Variants in DNAH10 observed in about 807,000 individuals in gnomAD.
The protein encoded by DNAH10 is axonemal beta dynein heavy chain 10.
A neutral mutation model predicts 506.6 loss-of-function variants in DNAH10; 348 were observed. That is an observed-to-expected ratio of 0.69 (90% confidence interval 0.63 to 0.75). DNAH10 has a LOEUF of 0.75. DNAH10 is among the 30% of genes least tolerant of loss of function. DNAH10 has a pLI of 0.00. For synonymous variants in DNAH10, 2,059 were observed against 2,198.6 expected, an observed-to-expected ratio of 0.94 and a Z score of 1.78; for missense variants, 5,179 against 5,787.1, an observed-to-expected ratio of 0.89 and a Z score of 3.41.
Position 123,909,539 on chromosome 12 carries a change from C to A in DNAH10, c.9997+97C>A. ...GGAGGGCAAGGAGGCTTGTCGTGGGCAGGCCCTCCCCTTCTGGTCAGATGG... is the reference window on the plus strand; with the variant it reads ...GGAGGGCAAGGAGGCTTGTCGTGGGAAGGCCCTCCCCTTCTGGTCAGATGG... On this transcript the variant is annotated intron_variant, in intron 58 of 78. Coordinates refer to ENST00000673944, the MANE Select transcript of DNAH10 (RefSeq NM_001372106.1). The surrounding 1 kb of genome is among the most constrained non-coding windows in gnomAD (Gnocchi z 5.4). 2 of 1,407,470 alleles carry A rather than the reference C, an allele frequency of 1.4e-6. No homozygotes were observed. The highest frequency in any genetic ancestry group is 2.9e-5 in the South Asian group (2 of 68,124). The allele number at this position is 1,407,470 out of a possible 1,614,324, so 87.2% of individuals were successfully genotyped here. A position where few individuals can be genotyped will look rare whatever the true frequency, so the allele number is the denominator to read the frequency against.
intron 51 of DNAH10, among the ~76,000 whole-genome samples, chr12:123,886,643 A>T (rs1352084465): frequency 6.6e-6 from 1 of 151,102 alleles, no homozygotes; most frequent in East Asian, 1.9e-4. Flanking sequence ...GGAGGTAGGG[A>T]ACAGAGAGAG....
At chr12:123,918,391 C>T (rs1302675720) in intron 64 of DNAH10, among the ~76,000 whole-genome samples, 6 of 152,248 alleles carry the variant, frequency 3.9e-5, no homozygotes, top group Non-Finnish European at 5.9e-5. Context: ...TGGGTCACAT[C>T]TCCTGGAGTC....
At chr12:123,849,745 A>G (rs1375214151) in intron 34 of DNAH10, among the ~76,000 whole-genome samples, 1 of 152,194 alleles carries the variant, frequency 6.6e-6, no homozygotes, top group Non-Finnish European at 1.5e-5. Flanking sequence ...CCATTCCAGG[A>G]TGAAAATTCA....
chr12:123,863,963 G>A (rs559408047), intron 39 of DNAH10, among the ~76,000 whole-genome samples: 2 of 152,210 alleles, frequency 1.3e-5, no homozygotes, highest in East Asian at 3.9e-4. Context: ...GCAGGGGCAG[G>A]GACTATGACA....
In DNAH10 at chr12:123,907,593, G is replaced by T. The variant is rs1366802311; in HGVS notation, c.9816-1668G>T. ...ACTCAGAGGATTTGGGAACTGGAAG[G>T]TTCCAGTTCTGCGTCTCTACTTCAC... On this transcript the variant is annotated intron_variant, in intron 57 of 78. Transcript: ENST00000673944. This position sits in a 1 kb window ranked among gnomAD's most constrained non-coding sequence, Gnocchi z 4.4. Among the ~76,000 whole-genome samples, 1 of 152,154 alleles carries T rather than the reference G, an allele frequency of 6.6e-6. No individual in the cohort carries two copies. Among genetic ancestry groups the T allele is most frequent in the Non-Finnish European group, 1.5e-5 (1 of 68,030 alleles).
chr12:123,812,858 G>C (rs1958994567), intron 19 of DNAH10, among the ~76,000 whole-genome samples: 2 of 152,062 alleles, frequency 1.3e-5, no homozygotes, highest in South Asian at 4.2e-4. Context: ...TGGTTGCAAG[G>C]TTCTGAGAGC....
At chr12:123,777,062 T>C (rs1398553422) in intron 5 of DNAH10, among the ~76,000 whole-genome samples, 1 of 152,096 alleles carries the variant, frequency 6.6e-6, no homozygotes, top group Admixed American at 6.6e-5. Flanking sequence ...CTGAGAAGAT[T>C]TGGACAAAAA....
intron 2 of DNAH10, among the ~76,000 whole-genome samples, chr12:123,770,682 T>C (rs114040147): frequency 0.011 from 1,636 of 152,152 alleles, 19 homozygotes; most frequent in African/African-American, 0.037. Context: ...GCAGAGAGGA[T>C]TCAGACCCCT....
At chr12:123,915,644 C>T (rs1317892591) in intron 62 of DNAH10, among the ~76,000 whole-genome samples, 34 of 152,288 alleles carry the variant, frequency 2.2e-4, no homozygotes, top group African/African-American at 4.8e-5. Flanking sequence ...TTGTGTCTGG[C>T]GCCTTTCACT....
rs1955449606 is a variant in DNAH10 at position 123,935,381 on chromosome 12, C to T, written c.13670C>T (p.Ala4557Val). The stretch of plus-strand genomic sequence containing the variant: ...TACACCACCTCCATGAGAAGGAACG[C>T]CATGGGAGTCGGCTTGGTTTTTGAA... The part of the protein sequence containing the change: ...PVYTTSMRRN[A>V]MGVGLVFEAD... Residue 4557 changes from alanine to valine, a missense_variant, in exon 79 of 79, where the codon GCC (alanine) becomes GTC (valine). Ala to Val is a moderately conservative substitution (Grantham distance 64, BLOSUM62 0). This residue lies in a region of DNAH10 where 4,844 missense variants were observed against 5,430.5 expected (regional missense o/e 0.89). Transcript: ENST00000673944. 1.2e-6 allele frequency: 2 copies of T among 1,611,840 alleles called. No homozygotes were observed. The highest frequency in any genetic ancestry group is 1.7e-4 in the Middle Eastern group (1 of 6,058).
rs190066553 is a variant in DNAH10, at chr12:123,853,883, C to T, written c.6438+531C>T. ...GCGCACACACACACGGATACATGCA[C>T]GCGCACACACGTACGCACGCACATG... On this transcript the variant is annotated intron_variant, in intron 36 of 78. Transcript: ENST00000673944. This position sits in a 1 kb window ranked among gnomAD's most constrained non-coding sequence, Gnocchi z 4.7. Among the ~76,000 whole-genome samples, 14 of 149,682 alleles carry T rather than the reference C, an allele frequency of 9.4e-5. No individual in the cohort carries two copies. Among genetic ancestry groups the T allele is most frequent in the East Asian group, 2.0e-4 (1 of 5,068 alleles).
At chr12:123,838,188 TC>T (rs1961377631) in intron 28 of DNAH10, among the ~76,000 whole-genome samples, 1 of 151,188 alleles carries the variant, frequency 6.6e-6, no homozygotes, top group African/African-American at 2.4e-5. Flanking sequence ...AACAAAAAAA[TC>T]CTTTCCCTGC....
chr12:123,905,531 G>C (rs961646232), intron 57 of DNAH10, among the ~76,000 whole-genome samples: 4 of 152,148 alleles, frequency 2.6e-5, no homozygotes, highest in Admixed American at 2.6e-4. Context: ...TTACCAACAG[G>C]GGGCGCGATC....
chr12:123,786,811 A>G (rs113494161), intron 9 of DNAH10, among the ~76,000 whole-genome samples: 12,111 of 151,928 alleles, frequency 0.08, 769 homozygotes, highest in African/African-American at 0.18. Context: ...GCTAAGGGAG[A>G]CAGATAACTT....
chr12:123,916,446 T>G lies in DNAH10; in HGVS notation c.10723-11T>G. The G allele has an allele frequency of 6.3e-7, 1 of 1,596,952 alleles. No individual in the cohort carries two copies. Among genetic ancestry groups the G allele is most frequent in the Non-Finnish European group, 8.5e-7 (1 of 1,170,910 alleles). ...CGTGGGCTTTCAGCATCTGCCTCCC[T>G]TCTCTTCCAGGTCGCTTCCTTTAAT... On this transcript the variant is annotated splice_polypyrimidine_tract_variant and intron_variant, in intron 62 of 78. Coordinates refer to ENST00000673944, the MANE Select transcript of DNAH10 (RefSeq NM_001372106.1). This position sits in a 1 kb window ranked among gnomAD's most constrained non-coding sequence, Gnocchi z 4.6.
chr12:123,914,255 G>A, intron 60 of DNAH10, 74 bp from the exon 61 acceptor site: 1 of 1,392,572 alleles, frequency 7.2e-7, no homozygotes, highest in Non-Finnish European at 9.9e-7. Flanking sequence ...TATCAAGCTG[G>A]TTCTTCTGGA....
chr12:123,820,468 T>G, intron 23 of DNAH10, 112 bp from the exon 24 acceptor site: 5 of 1,085,058 alleles, frequency 4.6e-6, no homozygotes, highest in Non-Finnish European at 3.9e-6. Flanking sequence ...TGTCTTCCCG[T>G]GTGGTTTATG....
chr12:123,877,736 A>T lies in DNAH10; in HGVS notation c.8200A>T (p.Thr2734Ser), dbSNP rs1227154498. Residue 2734 changes from threonine (T) to serine (S), a missense_variant and splice_region_variant, in exon 48 of 79, where the codon ACG becomes TCG. Physicochemically the swap from Thr to Ser is moderately conservative, Grantham distance 58. Around this residue, in one of 3 missense-constraint regions of DNAH10, gnomAD observed 4,844 missense variants for 5,430.5 expected, o/e 0.89. Transcript: ENST00000673944. ...GGGGGGGTGTCTTTGCATTTTTCAGACGTTTCATGAGAGCATTGTGGCTGT... is the reference window on the plus strand; with the variant it reads ...GGGGGGGTGTCTTTGCATTTTTCAGTCGTTTCATGAGAGCATTGTGGCTGT... ...YSSILKGHTS[T>S]FHESIVAVSG... 1 of 1,607,850 alleles carries T rather than the reference A, an allele frequency of 6.2e-7. No individual in the cohort carries two copies. The highest frequency in any genetic ancestry group is 8.5e-7 in the Non-Finnish European group (1 of 1,177,412).
intron 41 of DNAH10, among the ~76,000 whole-genome samples, chr12:123,867,109 T>C (rs1951841599): frequency 6.6e-6 from 1 of 152,176 alleles, no homozygotes; most frequent in Admixed American, 6.5e-5. Context: ...GGTGCTTTGA[T>C]AGGGAGGGGA....
Sources: gnomAD v4.1 joint callset for allele counts (sites outside exome capture counted in the v4.1 genomes callset) on GRCh38, gnomAD v4.1.1 for gene constraint, gnomAD v4.1.1 regional missense constraint, Gnocchi (gnomAD v3.1) non-coding constraint, MANE v1.5 for transcripts, NCBI Gene and HGNC (gene_info 2026-07-23, HGNC 2026-07-21) for gene names.